EML6: variants seen among roughly 807,000 people sequenced by gnomAD.
EML6 encodes echinoderm microtubule-associated protein-like 6.
A neutral mutation model predicts 240.1 loss-of-function variants in EML6; 154 were observed. That is an observed-to-expected ratio of 0.64 (90% CI 0.56 to 0.73). The LOEUF is 0.73. EML6 is among the 30% of genes least tolerant of loss of function. The pLI, the probability that EML6 is intolerant of heterozygous loss-of-function variation, is 0.00. For synonymous variants in EML6, 1,148 were observed against 899.0 expected (o/e 1.28, Z -4.95); for missense variants, 2,964 against 2,474.6 (o/e 1.20, Z -4.20).
intron 9 of EML6, 131 bp from the exon 10 acceptor site, chr2:54,849,829 CAA>C: frequency 1.3e-6 from 1 of 742,866 alleles, no homozygotes; most frequent in Non-Finnish European, 2.1e-6. Context: ...TATATTTACT[CAA>C]AAGTTAATCC....
At chr2:54,918,578 C>G (rs1674056482) in intron 26 of EML6, among the ~76,000 whole-genome samples, 1 of 152,136 alleles carries the variant, frequency 6.6e-6, no homozygotes, top group Admixed American at 6.5e-5. Context: ...AACTCTTGGA[C>G]TCAAACAATC....
chr2:54,894,846 C>G (rs1558659848), intron 19 of EML6, 69 bp from the exon 20 acceptor site: 1 of 1,055,006 alleles, frequency 9.5e-7, no homozygotes, highest in Non-Finnish European at 1.4e-6. Context: ...GCGGGGAATC[C>G]TCCTGGGGCC....
intron 28 of EML6, 58 bp downstream of exon 28, chr2:54,928,809 A>C (rs1674701284): frequency 6.5e-7 from 1 of 1,546,430 alleles, no homozygotes; most frequent in African/African-American, 1.4e-5. Context: ...AAACTTGTTT[A>C]AGCCAGAGTG....
chr2:54,737,943 G>A (rs1296314706), intron 2 of EML6, among the ~76,000 whole-genome samples: 13 of 152,066 alleles, frequency 8.5e-5, no homozygotes, highest in African/African-American at 2.9e-4. Flanking sequence ...CTCTTCTGCC[G>A]CAGGGCCTTT....
chr2:54,917,602 C>T (rs954852629), intron 26 of EML6, among the ~76,000 whole-genome samples: 2 of 152,226 alleles, frequency 1.3e-5, no homozygotes, highest in Non-Finnish European at 1.5e-5. Context: ...ACTTTGTGAT[C>T]CACCCGCCTT....
At chr2:54,828,381 T>C (rs1668701195) in intron 6 of EML6, among the ~76,000 whole-genome samples, 1 of 152,196 alleles carries the variant, frequency 6.6e-6, no homozygotes, top group Non-Finnish European at 1.5e-5. Flanking sequence ...ATGACTACAT[T>C]GTTGTATCTA....
At chr2:54,902,794 C>T (rs146735173) in intron 22 of EML6, among the ~76,000 whole-genome samples, 122 of 152,160 alleles carry the variant, frequency 8.0e-4, no homozygotes, top group African/African-American at 2.7e-3. Flanking sequence ...AGACTGGTCT[C>T]GAACTCCTGG....
intron 2 of EML6, among the ~76,000 whole-genome samples, 166 bp from the exon 3 acceptor site, chr2:54,813,066 A>G (rs1175589324): frequency 6.6e-6 from 1 of 152,224 alleles, no homozygotes; most frequent in African/African-American, 2.4e-5. Flanking sequence ...GCTAAAGTGA[A>G]CATTTCAATT....
chr2:54,945,195 C>T (rs112343649), intron 28 of EML6, among the ~76,000 whole-genome samples: 9 of 57,924 alleles, frequency 1.6e-4, no homozygotes, highest in Non-Finnish European at 2.6e-4. Context: ...CCCTCTCTCC[C>T]CTCCCCCTTC....
chr2:54,801,718 CTA>C (rs551359153), intron 2 of EML6, among the ~76,000 whole-genome samples: 209 of 152,284 alleles, frequency 1.4e-3, no homozygotes, highest in Middle Eastern at 3.4e-3. Context: ...TCTGAACAAA[CTA>C]TTGTAAGAAC....
intron 13 of EML6, 78 bp downstream of exon 13, chr2:54,863,967 A>G (rs931168513): frequency 1.3e-6 from 1 of 743,734 alleles, no homozygotes; most frequent in Non-Finnish European, 2.2e-6. Flanking sequence ...AGCACTAAAA[A>G]TGACTGGCAC....
intron 2 of EML6, among the ~76,000 whole-genome samples, chr2:54,744,828 A>G (rs2103667950): frequency 6.6e-6 from 1 of 151,918 alleles, no homozygotes; most frequent in South Asian, 2.1e-4. Flanking sequence ...GACCTTGCCT[A>G]TTCAGGTGTC....
intron 2 of EML6, among the ~76,000 whole-genome samples, chr2:54,749,728 A>G (rs569949538): frequency 6.6e-6 from 1 of 152,318 alleles, no homozygotes; most frequent in Admixed American, 6.5e-5. Context: ...AATTTGCCCC[A>G]AAACATCCAG....
At chr2:54,891,338 A>G (rs919910613) in intron 18 of EML6, among the ~76,000 whole-genome samples, 184 bp downstream of exon 18, 1 of 152,384 alleles carries the variant, frequency 6.6e-6, no homozygotes, top group Admixed American at 6.5e-5. Flanking sequence ...ATATGACGCT[A>G]TGCATATTCA....
At chr2:54,783,315 T>C (rs968069007) in intron 2 of EML6, among the ~76,000 whole-genome samples, 2 of 152,244 alleles carry the variant, frequency 1.3e-5, no homozygotes, top group African/African-American at 2.4e-5. Flanking sequence ...CACTCTGTTA[T>C]ATTGCAAGTA....
intron 30 of EML6, among the ~76,000 whole-genome samples, chr2:54,950,981 T>G (rs1007167949): frequency 6.6e-6 from 1 of 152,142 alleles, no homozygotes; most frequent in African/African-American, 2.4e-5. Flanking sequence ...GACCTGAGCT[T>G]GACCTCACCT....
Position 54,971,790 on chromosome 2 carries a change from G to C in EML6, c.*1695G>C, listed in dbSNP as rs1304960873. 2 of 152,146 alleles carry C rather than the reference G, an allele frequency of 1.3e-5. No homozygotes were observed. Among genetic ancestry groups the C allele is most frequent in the Non-Finnish European group, 1.5e-5 (1 of 68,020 alleles). 9.4% of individuals were successfully genotyped at this position (152,146 alleles called of 1,614,324 possible). ...TGAAATAACCATGTGGAAGAACAAT[G>C]AATCGATTAATGATGACATGTACAA... is the stretch of plus-strand genomic sequence containing the variant. On this transcript the variant is annotated 3_prime_UTR_variant, in exon 42 of 42. Coordinates refer to ENST00000356458, the MANE Select transcript of EML6 (RefSeq NM_001039753.4).
intron 2 of EML6, among the ~76,000 whole-genome samples, chr2:54,726,167 G>A (rs938489412): frequency 9.9e-5 from 15 of 152,270 alleles, no homozygotes; most frequent in African/African-American, 3.6e-4. Flanking sequence ...GAAGATTTTC[G>A]TCATATGGGA....
At chr2:54,739,831 A>C (rs1683553804) in intron 2 of EML6, among the ~76,000 whole-genome samples, 1 of 152,236 alleles carries the variant, frequency 6.6e-6, no homozygotes, top group Non-Finnish European at 1.5e-5. Context: ...GGAGGAAACA[A>C]GTCTGCAAGC....
Sources: allele counts gnomAD v4.1 joint callset (sites outside exome capture counted in the v4.1 genomes callset), GRCh38; gene constraint gnomAD v4.1.1; transcripts MANE v1.5; gene names NCBI Gene and HGNC (gene_info 2026-07-23, HGNC 2026-07-21).